The following PTPN5 variants were observed in gnomAD, a reference collection of about 807,000 sequenced individuals.
PTPN5 encodes protein tyrosine phosphatase non-receptor type 5.
A neutral mutation model predicts 73.9 loss-of-function variants in PTPN5; 29 were observed. That is an observed-to-expected ratio of 0.39 (90% CI 0.29 to 0.54). The LOEUF is 0.54. Ranked by LOEUF, PTPN5 falls within the 20% of genes least tolerant of loss-of-function variation. PTPN5 has a pLI of 0.65. For missense variants in PTPN5, 652 were observed against 751.4 expected (o/e 0.87, Z 1.55); for synonymous variants, 267 against 304.7 (o/e 0.88, Z 1.29).
Position 18,729,733 on chromosome 11 carries a change from A to G in PTPN5, c.1415T>C (p.Leu472Pro). 1 of 1,603,944 alleles carries G rather than the reference A, an allele frequency of 6.2e-7. No individual in the cohort carries two copies. The highest frequency in any genetic ancestry group is 8.5e-7 in the Non-Finnish European group (1 of 1,173,114). ...CTCCTCCACCTCCCGCACCAGGTGC[A>G]GGAGTGGGGGGGCCCGGTCTGGGGT... ...QKTPDRAPPL[L>P]HLVREVEEAA... Residue 472 changes from leucine to proline, a missense_variant, in exon 13 of 15, where the codon CTG becomes CCG. This residue lies in a region of PTPN5 where 102 missense variants were observed against 160.5 expected (regional missense o/e 0.64). Transcript: ENST00000358540. The surrounding 1 kb of genome is among the most constrained non-coding windows in gnomAD (Gnocchi z 5.2).
intron 3 of PTPN5, among the ~76,000 whole-genome samples, chr11:18,746,303 T>C (rs1223616888): frequency 6.6e-6 from 1 of 151,118 alleles, no homozygotes; most frequent in Non-Finnish European, 1.5e-5. Flanking sequence ...ACAATTTTCC[T>C]GCCTCAGCCT....
At chr11:18,762,207 A>G (rs1276249138) in intron 3 of PTPN5, among the ~76,000 whole-genome samples, 1 of 152,068 alleles carries the variant, frequency 6.6e-6, no homozygotes, top group African/African-American at 2.4e-5. Flanking sequence ...AGTGTTGGCC[A>G]TGTTGCCCCC....
intron 8 of PTPN5, among the ~76,000 whole-genome samples, chr11:18,739,289 G>T (rs1849258170): frequency 6.6e-6 from 1 of 152,234 alleles, no homozygotes; most frequent in South Asian, 2.1e-4. Context: ...ATGAGGTAGA[G>T]GATGTGATTC....
chr11:18,741,952 A>G (rs890726726), intron 7 of PTPN5, among the ~76,000 whole-genome samples: 1 of 152,238 alleles, frequency 6.6e-6, no homozygotes, highest in Non-Finnish European at 1.5e-5. Flanking sequence ...ATTTACAATG[A>G]ACATAAGCAT....
chr11:18,729,910 G>A lies in PTPN5; in HGVS notation c.1330-92C>T, dbSNP rs1564883967. The A allele has an allele frequency of 6.6e-7, 1 of 1,520,848 alleles. No homozygotes were observed. The allele number at this position is 1,520,848 out of a possible 1,614,324, so 94.2% of individuals were successfully genotyped here. ...GATAGAGATGAGATGGAAGGAGGAAGAACACAGGAAGAACACTGAGAGTGG... is the reference window on the plus strand; with the variant it reads ...GATAGAGATGAGATGGAAGGAGGAAAAACACAGGAAGAACACTGAGAGTGG... On this transcript the variant is annotated intron_variant, in intron 12 of 14. Transcript: ENST00000358540. This position sits in a 1 kb window ranked among gnomAD's most constrained non-coding sequence, Gnocchi z 5.2.
At chr11:18,782,251 G>A (rs920372275) in intron 1 of PTPN5, among the ~76,000 whole-genome samples, 3 of 150,882 alleles carry the variant, frequency 2.0e-5, no homozygotes, top group African/African-American at 7.3e-5. Flanking sequence ...TTTTGGAGAT[G>A]GAGTCTCGTT....
chr11:18,777,221 G>A (rs1851200483), intron 1 of PTPN5, among the ~76,000 whole-genome samples: 1 of 152,130 alleles, frequency 6.6e-6, no homozygotes, highest in South Asian at 2.1e-4. Flanking sequence ...TTTGGCTCTG[G>A]ACTCCCCCAG....
chr11:18,750,054 C>T (rs1849816425), intron 3 of PTPN5, among the ~76,000 whole-genome samples: 1 of 152,196 alleles, frequency 6.6e-6, no homozygotes, highest in African/African-American at 2.4e-5. Flanking sequence ...TGAGGGATAT[C>T]TGGTTCAGCC....
intron 1 of PTPN5, among the ~76,000 whole-genome samples, chr11:18,787,254 T>A (rs1229004165): frequency 3.3e-5 from 5 of 152,278 alleles, no homozygotes; most frequent in African/African-American, 1.2e-4. Context: ...TGGTATAATA[T>A]CTTTATTTAT....
At chr11:18,763,449 C>T (rs1002215866) in intron 3 of PTPN5, among the ~76,000 whole-genome samples, 1 of 152,202 alleles carries the variant, frequency 6.6e-6, no homozygotes, top group Non-Finnish European at 1.5e-5. Context: ...TTGGTCCTCT[C>T]ATCTGTAAGA....
intron 1 of PTPN5, among the ~76,000 whole-genome samples, chr11:18,790,436 C>T (rs187585682): frequency 6.6e-6 from 1 of 152,274 alleles, no homozygotes; most frequent in East Asian, 1.9e-4. Flanking sequence ...TGAGGACACT[C>T]AGGCTCAGTG....
intron 1 of PTPN5, among the ~76,000 whole-genome samples, chr11:18,783,381 TAAAGAAGA>T: frequency 6.6e-6 from 1 of 152,202 alleles, no homozygotes; most frequent in Non-Finnish European, 1.5e-5. Flanking sequence ...CATCATGGGC[TAAAGAAGA>T]ACACAGCTGA....
chr11:18,792,044 G>A (rs1362772064), upstream of PTPN5: 6 of 152,340 alleles, frequency 3.9e-5, no homozygotes, highest in Admixed American at 3.9e-4. Context: ...CCATGCCAAG[G>A]TTGCTTGGAC....
rs1241122994 is a variant in PTPN5 at position 18,729,054 on chromosome 11, G to A, written c.1605-27C>T. Reference sequence around the variant, plus strand: ...TGCCCGGCAGAGATGCACAGTGGGGGCAGGGTCGTGGAGGGATGGGCTGTG... The same window carrying A: ...TGCCCGGCAGAGATGCACAGTGGGGACAGGGTCGTGGAGGGATGGGCTGTG... On this transcript the variant is annotated intron_variant, in intron 14 of 14. Transcript: ENST00000358540. This position sits in a 1 kb window ranked among gnomAD's most constrained non-coding sequence, Gnocchi z 5.2. The A allele has an allele frequency of 1.2e-6, 2 of 1,609,944 alleles. No homozygotes were observed. Among genetic ancestry groups the A allele is most frequent in the Non-Finnish European group, 8.5e-7 (1 of 1,178,286 alleles).
At chr11:18,753,069 T>C (rs1313136559) in intron 3 of PTPN5, among the ~76,000 whole-genome samples, 3 of 152,242 alleles carry the variant, frequency 2.0e-5, no homozygotes, top group African/African-American at 4.8e-5. Flanking sequence ...TGAGGCCCCA[T>C]GGCAGTGGAA....
intron 1 of PTPN5, among the ~76,000 whole-genome samples, chr11:18,784,193 G>A (rs1046150081): frequency 3.3e-5 from 5 of 152,146 alleles, no homozygotes; most frequent in Non-Finnish European, 5.9e-5. Flanking sequence ...AATTGAAAGC[G>A]GGGGCTCAAA....
intron 2 of PTPN5, among the ~76,000 whole-genome samples, chr11:18,767,214 G>GT (rs1850683197): frequency 6.6e-6 from 1 of 152,208 alleles, no homozygotes; most frequent in Non-Finnish European, 1.5e-5. Context: ...CCTAGGGCCA[G>GT]TTTCAGGCCC....
At chr11:18,770,882 C>T (rs2134317105) in intron 2 of PTPN5, among the ~76,000 whole-genome samples, 1 of 152,280 alleles carries the variant, frequency 6.6e-6, no homozygotes, top group East Asian at 1.9e-4. Context: ...ACAGCTGCTG[C>T]CGTGGGCTGG....
At position 18,740,646 on chromosome 11, in the gene PTPN5, T is replaced by C. The variant is rs1849320273; in HGVS notation, c.872A>G (p.His291Arg). The C allele has an allele frequency of 1.3e-6, 2 of 1,595,964 alleles. No homozygotes were observed. The highest frequency in any genetic ancestry group is 1.4e-5 in the African/African-American group (1 of 73,830). The part of the protein sequence containing the change: ...ASRVLQAEEL[H>R]EKALDPFLLQ... ...CAGGAAAGGGTCCAGGGCCTTTTCATGAAGCTCTTCTGCTTGGAGGACACG... is the reference window on the plus strand; with the variant it reads ...CAGGAAAGGGTCCAGGGCCTTTTCACGAAGCTCTTCTGCTTGGAGGACACG... Residue 291 changes from histidine to arginine, a missense_variant, in exon 8 of 15, where the codon CAT (histidine) becomes CGT (arginine). Coordinates refer to ENST00000358540, the MANE Select transcript of PTPN5 (RefSeq NM_006906.2).
Sources: allele counts gnomAD v4.1 joint callset (sites outside exome capture counted in the v4.1 genomes callset), GRCh38; gene constraint gnomAD v4.1.1; regional missense constraint gnomAD v4.1.1; non-coding constraint Gnocchi (gnomAD v3.1); transcripts MANE v1.5; gene names NCBI Gene and HGNC (gene_info 2026-07-23, HGNC 2026-07-21).